Variants in TTC39C observed in about 807,000 individuals in gnomAD.
TTC39C encodes tetratricopeptide repeat domain 39C.
TTC39C carries 33 observed loss-of-function variants against 76.3 expected under a neutral mutation model. The observed-to-expected ratio is 0.43, with a 90% confidence interval of 0.33 to 0.58. The LOEUF is 0.58. TTC39C is among the 20% of genes least tolerant of loss of function. TTC39C has a pLI of 0.04. For synonymous variants in TTC39C, 254 were observed against 260.6 expected (o/e 0.97, Z 0.24); for missense variants, 595 against 701.4 (o/e 0.85, Z 1.71).
At chr18:24,093,395 C>T (rs1423556763) in intron 6 of TTC39C, among the ~76,000 whole-genome samples, 11 of 151,002 alleles carry the variant, frequency 7.3e-5, no homozygotes, top group African/African-American at 2.4e-4. Flanking sequence ...AGGAGAATGG[C>T]GTGAACCCAG....
At chr18:24,006,379 C>G (rs1225973258) in intron 1 of TTC39C, 1 of 152,134 alleles carries the variant, frequency 6.6e-6, no homozygotes, top group Non-Finnish European at 1.5e-5. Flanking sequence ...TAGGAGACTA[C>G]AGATGCTTTC....
At chr18:24,123,031 C>T (rs543563717) in intron 8 of TTC39C, among the ~76,000 whole-genome samples, 1 of 152,310 alleles carries the variant, frequency 6.6e-6, no homozygotes, top group South Asian at 2.1e-4. Flanking sequence ...GTTTCTTCTT[C>T]ACATTGTTGC....
chr18:24,096,355 A>G (rs2084589527), intron 6 of TTC39C, among the ~76,000 whole-genome samples: 1 of 152,194 alleles, frequency 6.6e-6, no homozygotes, highest in Non-Finnish European at 1.5e-5. Context: ...AGTTAATTAT[A>G]TTTTCTGTCT....
chr18:24,014,875 G>T lies in TTC39C; in HGVS notation c.4G>T (p.Ala2Ser), dbSNP rs1412191680. The T allele has an allele frequency of 1.1e-5, 16 of 1,402,110 alleles. No homozygotes were observed. Among genetic ancestry groups the T allele is most frequent in the Non-Finnish European group, 1.5e-5 (16 of 1,080,698 alleles). 86.9% of individuals were successfully genotyped at this position (1,402,110 alleles called of 1,614,324 possible). The change falls in exon 1 of 14, where the codon GCC becomes TCC. Residue 2 changes from alanine to serine, a missense_variant. Ala to Ser is a moderately conservative substitution (Grantham distance 99). Transcript: ENST00000317571. Reference sequence around the variant, plus strand: ...CAGCGCAGGGCCTCGCACGCCCATGGCCGGCTCGGAGCAGCAGCGGCCGCG... The same window carrying T: ...CAGCGCAGGGCCTCGCACGCCCATGTCCGGCTCGGAGCAGCAGCGGCCGCG... MAGSEQQRPRRR... is the reference protein window; with the variant it reads MSGSEQQRPRRR...
rs1464152649 is a variant in TTC39C at position 24,113,650 on chromosome 18, GATTT to G, written c.985-896_985-893del. The G allele has an allele frequency of 5.7e-6, 4 of 702,256 alleles. No individual in the cohort carries two copies. The African/African-American group carries it at 7.0e-5, about 12-fold the overall frequency. 43.5% of individuals were successfully genotyped at this position (702,256 alleles called of 1,614,324 possible). On this transcript the variant is annotated intron_variant, in intron 6 of 13. Transcript: ENST00000317571. ...GCTGTCAGGTCGTCTGGCTGTTTAA[GATTT>G]ATTTATTAATGGTATGTGACATTTA... is the stretch of plus-strand genomic sequence containing the variant.
intron 1 of TTC39C, among the ~76,000 whole-genome samples, chr18:24,060,078 A>G (rs946819557): frequency 4.6e-5 from 7 of 152,118 alleles, no homozygotes; most frequent in Non-Finnish European, 1.0e-4. Context: ...TCAAGGTGAG[A>G]TTTGGGTGGG....
intron 6 of TTC39C, among the ~76,000 whole-genome samples, chr18:24,092,070 G>A (rs2084525038): frequency 1.6e-5 from 2 of 125,622 alleles, no homozygotes; most frequent in Non-Finnish European, 3.2e-5. Context: ...TCCAGCCTGG[G>A]TGACAGAGTG....
chr18:24,085,055 G>C (rs981476073), intron 6 of TTC39C, among the ~76,000 whole-genome samples: 7 of 152,162 alleles, frequency 4.6e-5, no homozygotes, highest in Non-Finnish European at 2.9e-5. Flanking sequence ...GATGCTACAG[G>C]GTTTAGTGTT....
chr18:24,083,802 G>T (rs2084407652), intron 6 of TTC39C, among the ~76,000 whole-genome samples: 1 of 152,086 alleles, frequency 6.6e-6, no homozygotes, highest in Non-Finnish European at 1.5e-5. Context: ...AGGTTATGAG[G>T]ATTTGTAGAA....
At chr18:24,075,940 C>T (rs1181522868) in intron 4 of TTC39C, among the ~76,000 whole-genome samples, 2 of 152,194 alleles carry the variant, frequency 1.3e-5, no homozygotes, top group South Asian at 2.1e-4. Flanking sequence ...CCGTATGGGG[C>T]AGGGTTTCCT....
intron 9 of TTC39C, 56 bp downstream of exon 9, chr18:24,123,999 C>A: frequency 7.5e-7 from 1 of 1,339,840 alleles, no homozygotes; most frequent in Non-Finnish European, 1.0e-6. Context: ...TTGTAACCAA[C>A]ACTGCCTTGG....
chr18:24,087,582 G>GTTTTTTTTTTGTTTTTTTTTTTT (rs6146239), intron 6 of TTC39C, among the ~76,000 whole-genome samples: 1 of 124,138 alleles, frequency 8.1e-6, no homozygotes, highest in East Asian at 2.2e-4. Context: ...TTTGAGAACT[G>GTTTTTTTTTTGTTTTTTTTTTTT]TTTTTTTTTT....
intron 11 of TTC39C, 119 bp downstream of exon 11, chr18:24,129,102 A>G (rs2085089211): frequency 3.1e-6 from 2 of 635,666 alleles, no homozygotes; most frequent in South Asian, 4.7e-5. Flanking sequence ...TATAAACTTT[A>G]TCCAATTATT....
At chr18:24,115,984 GCTTAGAAAT>G (rs150804175) in intron 7 of TTC39C, among the ~76,000 whole-genome samples, 18,852 of 152,202 alleles carry the variant, frequency 0.12, 1,324 homozygotes, top group Middle Eastern at 0.28. Flanking sequence ...GCAGAAGGAA[GCTTAGAAAT>G]CACCCAACCC....
chr18:24,012,314 C>G (rs956732262), upstream of TTC39C, among the ~76,000 whole-genome samples: 2 of 152,172 alleles, frequency 1.3e-5, no homozygotes, highest in Admixed American at 6.5e-5. Flanking sequence ...CCTCTATCCA[C>G]GCCACCCCTC....
At chr18:24,021,307 A>G (rs1450105789) in intron 1 of TTC39C, among the ~76,000 whole-genome samples, 1 of 152,094 alleles carries the variant, frequency 6.6e-6, no homozygotes, top group Non-Finnish European at 1.5e-5. Flanking sequence ...TCTCCTCCCA[A>G]CACCCTAAAT....
At chr18:24,110,291 G>A (rs2084794135) in intron 6 of TTC39C, among the ~76,000 whole-genome samples, 1 of 152,174 alleles carries the variant, frequency 6.6e-6, no homozygotes, top group South Asian at 2.1e-4. Flanking sequence ...GTAAAAAACG[G>A]CATCTACTTG....
upstream of TTC39C, chr18:24,013,075 T>G (rs565402774): frequency 3.3e-5 from 5 of 152,334 alleles, no homozygotes; most frequent in East Asian, 9.6e-4. Context: ...CTCAGTGCCA[T>G]GAAGGATGGT....
chr18:24,078,252 CT>C (rs1239862388), intron 4 of TTC39C, among the ~76,000 whole-genome samples: 1 of 152,100 alleles, frequency 6.6e-6, no homozygotes, highest in Non-Finnish European at 1.5e-5. Flanking sequence ...ATGTGATCCC[CT>C]GGGTGATATG....
Sources: allele counts gnomAD v4.1 joint callset (sites outside exome capture counted in the v4.1 genomes callset), GRCh38; gene constraint gnomAD v4.1.1; transcripts MANE v1.5; gene names NCBI Gene and HGNC (gene_info 2026-07-23, HGNC 2026-07-21).